The following DMXL2 variants were observed in gnomAD, a reference collection of about 807,000 sequenced individuals.
The protein encoded by DMXL2 is dmX-like protein 2.
In DMXL2, 103 loss-of-function variants were observed where a neutral mutation model predicts 331.1. The observed-to-expected ratio is 0.31, with a 90% confidence interval of 0.27 to 0.37. The LOEUF is 0.37. DMXL2 is among the 10% of genes least tolerant of loss of function. DMXL2 has a pLI of 1.00. For synonymous variants in DMXL2, 1,281 were observed against 1,252.1 expected (o/e 1.02, Z -0.49); for missense variants, 3,171 against 3,642.9 (o/e 0.87, Z 3.33).
chr15:51,533,325 T>C (rs751389328), intron 13 of DMXL2, among the ~76,000 whole-genome samples: 3 of 152,078 alleles, frequency 2.0e-5, no homozygotes, highest in Non-Finnish European at 4.4e-5. Context: ...CTGGCTACAT[T>C]ATATTTTGAG....
At chr15:51,609,572 T>C (rs933532576) in intron 1 of DMXL2, among the ~76,000 whole-genome samples, 1 of 152,206 alleles carries the variant, frequency 6.6e-6, no homozygotes, top group Admixed American at 6.5e-5. Flanking sequence ...ACAGGCTATA[T>C]AGCTTTGTAG....
intron 1 of DMXL2, among the ~76,000 whole-genome samples, chr15:51,617,923 T>C (rs1024771886): frequency 3.3e-5 from 5 of 152,200 alleles, no homozygotes; most frequent in African/African-American, 7.2e-5. Flanking sequence ...ATAAACCCTA[T>C]ATTCACTTAC....
At chr15:51,511,908 G>C (rs1658345372) in intron 15 of DMXL2, among the ~76,000 whole-genome samples, 1 of 152,124 alleles carries the variant, frequency 6.6e-6, no homozygotes, top group African/African-American at 2.4e-5. Flanking sequence ...GATGAAGCTG[G>C]AAACCATCAT....
chr15:51,495,053 G>A lies in DMXL2; in HGVS notation c.4754C>T (p.Pro1585Leu). The change falls in exon 19 of 44, where the codon CCT becomes CTT. Residue 1585 changes from proline to leucine, a missense_variant. This residue lies in a region of DMXL2 where 252 missense variants were observed against 387.4 expected (regional missense o/e 0.65). Transcript: ENST00000560891. ...ATGAAGTAGCTGCACTCGGTATAAA[G>A]GAGGCAGCGATGTCAAAAGGCATGT... is the stretch of plus-strand genomic sequence containing the variant. The part of the protein sequence containing the change: ...LHTCLLTSLP[P>L]LYRVQLLHQG... 6.2e-7 allele frequency: 1 copy of A among 1,613,276 alleles called. No homozygotes were observed. The highest frequency in any genetic ancestry group is 1.1e-5 in the South Asian group (1 of 91,038).
intron 13 of DMXL2, among the ~76,000 whole-genome samples, chr15:51,525,690 C>T (rs1379714859): frequency 6.6e-6 from 1 of 152,032 alleles, no homozygotes; most frequent in East Asian, 1.9e-4. Flanking sequence ...TCCTGGTGGC[C>T]ACAGGGTGAA....
At chr15:51,557,623 T>A (rs896377776) in intron 6 of DMXL2, among the ~76,000 whole-genome samples, 1 of 152,116 alleles carries the variant, frequency 6.6e-6, no homozygotes, top group African/African-American at 2.4e-5. Flanking sequence ...CTACCAGATA[T>A]CAAGACTTAA....
chr15:51,594,209 G>C (rs1255702706), intron 1 of DMXL2, among the ~76,000 whole-genome samples: 1 of 152,082 alleles, frequency 6.6e-6, no homozygotes, highest in Non-Finnish European at 1.5e-5. Flanking sequence ...TCAAATAGAT[G>C]CAACAAAAAA....
chr15:51,556,753 C>G (rs533950343), intron 6 of DMXL2, among the ~76,000 whole-genome samples: 39 of 151,774 alleles, frequency 2.6e-4, no homozygotes, highest in Non-Finnish European at 4.9e-4. Context: ...GCCTGGGTGA[C>G]AGAGCGAGAT....
At position 51,488,653 on chromosome 15, in the gene DMXL2, A is replaced by T; in HGVS notation, c.4954-8T>A. 6.3e-7 allele frequency: 1 copy of T among 1,588,008 alleles called. No homozygotes were observed. The highest frequency in any genetic ancestry group is 8.6e-7 in the Non-Finnish European group (1 of 1,164,650). ...AAAAGAAGCTTTGGCAACCTAAATG[A>T]TAAATAAAATATTAAATTCACAATT... On this transcript the variant is annotated splice_region_variant and splice_polypyrimidine_tract_variant and intron_variant, in intron 20 of 43. Coordinates refer to ENST00000560891, the MANE Select transcript of DMXL2 (RefSeq NM_001378457.1).
rs754591502 is a variant in DMXL2 at position 51,458,747 on chromosome 15, T to G, written c.8038A>C (p.Lys2680Gln). 6.2e-7 allele frequency: 1 copy of G among 1,614,074 alleles called. No individual in the cohort carries two copies. The highest frequency in any genetic ancestry group is 8.5e-7 in the Non-Finnish European group (1 of 1,179,944). Residue 2680 changes from lysine (K) to glutamine (Q), a missense_variant, in exon 35 of 44, where the codon AAG becomes CAG. Lys to Gln is a moderately conservative substitution (Grantham distance 53). Transcript: ENST00000560891. ...AATGCCATGATCATATCAGATTCCT[T>G]ATGGATGACTTTCGCCTTTCCACCT... ...YPGGKAKVIH[K>Q]ESDMIMAFSV...
chr15:51,452,918 G>GAGAT (rs963246201), intron 41 of DMXL2, among the ~76,000 whole-genome samples: 4 of 152,300 alleles, frequency 2.6e-5, no homozygotes, highest in Admixed American at 1.3e-4. Flanking sequence ...AAAAAGGAAT[G>GAGAT]AGATAATCAC....
At chr15:51,571,701 A>C (rs940866990) in intron 2 of DMXL2, among the ~76,000 whole-genome samples, 4 of 152,250 alleles carry the variant, frequency 2.6e-5, no homozygotes, top group African/African-American at 9.6e-5. Context: ...TAAATAACAA[A>C]ATGAAGGCAG....
Position 51,480,609 on chromosome 15 carries a change from C to T in DMXL2, c.6497G>A (p.Gly2166Glu), listed in dbSNP as rs149842282. Residue 2166 changes from glycine (G) to glutamate (E), a missense_variant, in exon 24 of 44, where the codon GGG (glycine) becomes GAG (glutamate). This residue lies in a region of DMXL2 where 197 missense variants were observed against 196.2 expected (regional missense o/e 1.00). Transcript: ENST00000560891. ...RVFLSYCSLH[G>E]AQGGGLASVR... Reference sequence around the variant, plus strand: ...TGAAGCCAAACCACCACCTTGGGCCCCATGAAGGCTACAGTAGCTGAGAAA... The same window carrying T: ...TGAAGCCAAACCACCACCTTGGGCCTCATGAAGGCTACAGTAGCTGAGAAA... The T allele has an allele frequency of 2.0e-4, 317 of 1,591,526 alleles. No homozygotes were observed. The highest frequency in any genetic ancestry group is 2.0e-4 in the Non-Finnish European group (230 of 1,165,356).
intron 1 of DMXL2, 34 bp from the exon 2 acceptor site, chr15:51,576,215 C>G: frequency 1.0e-6 from 1 of 1,002,916 alleles, no homozygotes; most frequent in Non-Finnish European, 1.3e-6. Flanking sequence ...TTTTACAATA[C>G]ATAAGATATG....
intron 1 of DMXL2, among the ~76,000 whole-genome samples, chr15:51,608,882 A>C (rs2053770745): frequency 6.6e-6 from 1 of 152,234 alleles, no homozygotes; most frequent in South Asian, 2.1e-4. Context: ...ATGGAATGTA[A>C]GAGAGGAAGG....
chr15:51,519,643 T>G (rs570723946), intron 13 of DMXL2, among the ~76,000 whole-genome samples: 133 of 145,176 alleles, frequency 9.2e-4, no homozygotes, highest in African/African-American at 2.7e-3. Flanking sequence ...CTTGTTTTTT[T>G]TTTTTTTTTT....
intron 1 of DMXL2, 81 bp downstream of exon 1, chr15:51,622,378 G>A (rs2054707743): frequency 3.9e-6 from 6 of 1,531,916 alleles, no homozygotes; most frequent in Non-Finnish European, 5.3e-6. Context: ...CTCCTGAGGA[G>A]GCGTGCGCCC....
intron 1 of DMXL2, among the ~76,000 whole-genome samples, chr15:51,592,409 G>A (rs1019848828): frequency 2.6e-5 from 4 of 152,144 alleles, no homozygotes; most frequent in Non-Finnish European, 5.9e-5. Flanking sequence ...AAGAAATATG[G>A]GACTATGTGA....
At chr15:51,620,031 C>T (rs1405418319) in intron 1 of DMXL2, among the ~76,000 whole-genome samples, 2 of 152,024 alleles carry the variant, frequency 1.3e-5, no homozygotes, top group South Asian at 2.1e-4. Flanking sequence ...GAGGAGCTTG[C>T]TTTTTATTTT....
Sources: gnomAD v4.1 joint callset for allele counts (sites outside exome capture counted in the v4.1 genomes callset) on GRCh38, gnomAD v4.1.1 for gene constraint, gnomAD v4.1.1 regional missense constraint, MANE v1.5 for transcripts, NCBI Gene and HGNC (gene_info 2026-07-23, HGNC 2026-07-21) for gene names.